TAF4B: variants seen among roughly 807,000 people sequenced by gnomAD.
The protein encoded by TAF4B is TATA-box binding protein associated factor 4b, also known as transcription initiation factor TFIID subunit 4B.
TAF4B carries 38 observed loss-of-function variants against 86.4 expected under a neutral mutation model. That is an observed-to-expected ratio of 0.44 (90% confidence interval 0.34 to 0.58). The LOEUF (loss-of-function observed/expected upper bound fraction) is 0.58, where lower values mean the gene tolerates loss of function less well. TAF4B is among the 20% of genes least tolerant of loss of function. The pLI is 0.02. For synonymous variants in TAF4B, 388 were observed against 391.2 expected (o/e 0.99, Z 0.10); for missense variants, 988 against 1,027.6 (o/e 0.96, Z 0.53).
intron 14 of TAF4B, among the ~76,000 whole-genome samples, chr18:26,379,370 G>C (rs1409513161): frequency 2.0e-5 from 3 of 151,956 alleles, no homozygotes; most frequent in Non-Finnish European, 2.9e-5. Flanking sequence ...TCTTGATTTA[G>C]TATTTGTGTC....
At chr18:26,233,515 A>G (rs1228289313) in intron 1 of TAF4B, among the ~76,000 whole-genome samples, 5 of 152,138 alleles carry the variant, frequency 3.3e-5, no homozygotes, top group African/African-American at 9.7e-5. Flanking sequence ...AGAAGTTACT[A>G]TGATCAGTTG....
At chr18:26,306,972 G>A (rs1336028939) in intron 9 of TAF4B, among the ~76,000 whole-genome samples, 3 of 151,844 alleles carry the variant, frequency 2.0e-5, no homozygotes, top group Non-Finnish European at 2.9e-5. Flanking sequence ...TAGTAGTGAC[G>A]GAGTTTCACC....
chr18:26,363,622 A>G, intron 14 of TAF4B, among the ~76,000 whole-genome samples: 1 of 152,124 alleles, frequency 6.6e-6, no homozygotes, highest in East Asian at 1.9e-4. Context: ...TATACTGCTG[A>G]TTTGCATTAG....
chr18:26,285,913 C>A lies in TAF4B; in HGVS notation c.1004C>A (p.Pro335His). The A allele has an allele frequency of 6.2e-7, 1 of 1,612,042 alleles. No homozygotes were observed. Among genetic ancestry groups the A allele is most frequent in the Non-Finnish European group, 8.5e-7 (1 of 1,178,650 alleles). ...GTGGTTGCCTTACGACAACTTCTGC[C>A]TAACTCCCAGAGCTTCATCCAGCAA... ...KSVVALRQLL[P>H]NSQSFIQQCV... Residue 335 changes from proline (P) to histidine (H), a missense_variant, in exon 7 of 15, where the codon CCT becomes CAT. Pro to His is a moderately conservative substitution (Grantham distance 77). Transcript: ENST00000269142.
chr18:26,315,174 C>T, intron 9 of TAF4B, 55 bp from the exon 10 acceptor site: 1 of 1,031,052 alleles, frequency 9.7e-7, no homozygotes, highest in Non-Finnish European at 1.3e-6. Flanking sequence ...CACACACACA[C>T]ACACACACAC....
At position 26,336,436 on chromosome 18, in the gene TAF4B, T is replaced by C. The variant is rs534912542; in HGVS notation, c.2316+1205T>C. 5.9e-5 allele frequency among the ~76,000 whole-genome samples: 9 copies of C among 152,290 alleles called. No individual in the cohort carries two copies. The South Asian group carries it at 1.7e-3, about 28-fold the overall frequency. ...AACAAGTGGAAATCTAGTAAGATTC[T>C]TACAATCAATGTGGTGTGTTTTCAT... On this transcript the variant is annotated intron_variant, in intron 13 of 14. Coordinates refer to ENST00000269142, the MANE Select transcript of TAF4B (RefSeq NM_005640.3).
At chr18:26,365,624 G>A (rs2057366590) in intron 14 of TAF4B, among the ~76,000 whole-genome samples, 1 of 152,144 alleles carries the variant, frequency 6.6e-6, no homozygotes, top group Non-Finnish European at 1.5e-5. Flanking sequence ...CTTCAGAGAA[G>A]GTGGTAGTAG....
At chr18:26,293,204 C>G (rs2056616922) in intron 8 of TAF4B, among the ~76,000 whole-genome samples, 1 of 152,038 alleles carries the variant, frequency 6.6e-6, no homozygotes, top group African/African-American at 2.4e-5. Context: ...ATACTGCTAA[C>G]ATAGACTATC....
chr18:26,349,041 T>C (rs1007177478), intron 13 of TAF4B: 2 of 152,194 alleles, frequency 1.3e-5, no homozygotes, highest in Non-Finnish European at 2.9e-5. Flanking sequence ...ATAAACAATG[T>C]GCATGCTAAG....
chr18:26,361,082 T>C (rs1025531908), intron 14 of TAF4B, among the ~76,000 whole-genome samples: 16 of 152,120 alleles, frequency 1.1e-4, no homozygotes, highest in African/African-American at 3.9e-4. Flanking sequence ...TCAAACCTTT[T>C]TTTTAACCAT....
At chr18:26,346,817 G>GTGTATATATATA (rs2057192643) in intron 13 of TAF4B, among the ~76,000 whole-genome samples, 1 of 11,646 alleles carries the variant, frequency 8.6e-5, no homozygotes, top group Non-Finnish European at 2.8e-4. Context: ...ATATATATAT[G>GTGTATATATATA]TGTGTGTATA....
intron 12 of TAF4B, among the ~76,000 whole-genome samples, chr18:26,333,158 T>G (rs757326215): frequency 7.9e-5 from 12 of 151,374 alleles, no homozygotes; most frequent in Non-Finnish European, 1.6e-4. Context: ...ATTCTATTTA[T>G]TTTCTTTATT....
Position 26,265,166 on chromosome 18 carries a change from A to T in TAF4B, c.344-4A>T. On this transcript the variant is annotated splice_polypyrimidine_tract_variant and splice_region_variant and intron_variant, in intron 1 of 14. Coordinates refer to ENST00000269142, the MANE Select transcript of TAF4B (RefSeq NM_005640.3). The stretch of plus-strand genomic sequence containing the variant: ...GGTCACTTTTTTTTCTTTTTTAAAT[A>T]TAGGAACCGTTTTGATTAAAAGTAA... 1 of 1,605,470 alleles carries T rather than the reference A, an allele frequency of 6.2e-7. No individual in the cohort carries two copies. The highest frequency in any genetic ancestry group is 1.4e-5 in the African/African-American group (1 of 74,064).
At chr18:26,315,036 T>A (rs1243200067) in intron 9 of TAF4B, among the ~76,000 whole-genome samples, 193 bp from the exon 10 acceptor site, 1 of 151,036 alleles carries the variant, frequency 6.6e-6, no homozygotes, top group African/African-American at 2.4e-5. Context: ...ATTGGATGAA[T>A]TAAGTAAAAT....
chr18:26,281,876 A>G, intron 5 of TAF4B, 95 bp from the exon 6 acceptor site: 2 of 854,138 alleles, frequency 2.3e-6, no homozygotes, highest in Non-Finnish European at 3.7e-6. Flanking sequence ...ATCATTTGTG[A>G]AAAGTTTGCT....
chr18:26,269,576 C>G (rs1323177105), intron 3 of TAF4B, among the ~76,000 whole-genome samples: 1 of 152,090 alleles, frequency 6.6e-6, no homozygotes, highest in African/African-American at 2.4e-5. Context: ...TTTTGGTGTT[C>G]CAAACTTGAA....
At chr18:26,311,060 AG>A (rs1327281275) in intron 9 of TAF4B, among the ~76,000 whole-genome samples, 2 of 152,160 alleles carry the variant, frequency 1.3e-5, no homozygotes, top group African/African-American at 4.8e-5. Context: ...ATGGACATTT[AG>A]GTTGTTTCCA....
At chr18:26,361,776 AT>A (rs1474072911) in intron 14 of TAF4B, among the ~76,000 whole-genome samples, 4 of 151,458 alleles carry the variant, frequency 2.6e-5, no homozygotes, top group African/African-American at 9.7e-5. Flanking sequence ...GTATGGAAAA[AT>A]TAGTTCAGCA....
intron 7 of TAF4B, among the ~76,000 whole-genome samples, chr18:26,289,789 T>C (rs756388771): frequency 2.0e-5 from 3 of 152,216 alleles, no homozygotes; most frequent in Non-Finnish European, 2.9e-5. Context: ...TGAATTCTCT[T>C]ACATTATCAC....
Sources: allele counts gnomAD v4.1 joint callset (sites outside exome capture counted in the v4.1 genomes callset), GRCh38; gene constraint gnomAD v4.1.1; transcripts MANE v1.5; gene names NCBI Gene and HGNC (gene_info 2026-07-23, HGNC 2026-07-21).